CTC1: variants seen among roughly 807,000 people sequenced by gnomAD.
CTC1 encodes the protein CST telomere replication complex component 1.
A neutral mutation model predicts 136.3 loss-of-function variants in CTC1; 91 were observed. The ratio of observed to expected loss-of-function variants is 0.67; its 90% CI spans 0.56 to 0.79. CTC1 has a LOEUF of 0.79. CTC1 is among the 30% of genes least tolerant of loss of function. The pLI, the probability that CTC1 is intolerant of heterozygous loss-of-function variation, is 0.00. For missense variants in CTC1, 1,432 were observed against 1,498.1 expected (o/e 0.96, Z 0.73); for synonymous variants, 606 against 613.8 (o/e 0.99, Z 0.19).
At chr17:8,243,180 G>A (rs768763406) in intron 1 of CTC1, 32 bp from the exon 2 acceptor site, 2 of 1,595,522 alleles carry the variant, frequency 1.3e-6, no homozygotes, top group South Asian at 2.3e-5. Flanking sequence ...AAAACATCTT[G>A]ACTATCCGGC....
rs930998795 is a variant in CTC1 at position 8,227,861 on chromosome 17, C to T, written c.*319G>A. On this transcript the variant is annotated 3_prime_UTR_variant, in exon 23 of 23. Coordinates refer to ENST00000651323, the MANE Select transcript of CTC1 (RefSeq NM_025099.6). The stretch of plus-strand genomic sequence containing the variant: ...TCATTGCAGGTCAATAGGCCTGTCA[C>T]CATCACCCCACAGCGAGCAAGTCTT... 1.1e-5 allele frequency: 3 copies of T among 263,818 alleles called. No homozygotes were observed. The highest frequency in any genetic ancestry group is 4.4e-5 in the African/African-American group (2 of 45,646). The allele number at this position is 263,818 out of a possible 1,614,324, so 16.3% of individuals were successfully genotyped here.
chr17:8,245,516 T>C (rs1988602278), intron 1 of CTC1, among the ~76,000 whole-genome samples: 1 of 152,110 alleles, frequency 6.6e-6, no homozygotes, highest in African/African-American at 2.4e-5. Flanking sequence ...GTAGTTCCTG[T>C]TTCTCGGATG....
In CTC1 at chr17:8,245,357, T is replaced by C. The variant is rs1988589690; in HGVS notation, c.34-2209A>G. Among the ~76,000 whole-genome samples the C allele has an allele frequency of 3.3e-5, 5 of 152,176 alleles. No homozygotes were observed. In the South Asian group the frequency reaches 1.0e-3, roughly 31 times the overall value. ...TCTTCAGCATCCTTGTGGACAGCCC[T>C]ACCACTGACTTTCAGCCCACTTCAG... is the stretch of plus-strand genomic sequence containing the variant. On this transcript the variant is annotated intron_variant, in intron 1 of 22. Coordinates refer to ENST00000651323, the MANE Select transcript of CTC1 (RefSeq NM_025099.6).
intron 2 of CTC1, among the ~76,000 whole-genome samples, chr17:8,242,554 AT>A (rs1329854369): frequency 0.037 from 1,950 of 53,050 alleles, 19 homozygotes; most frequent in Non-Finnish European, 0.06. Context: ...AAAAAAAAAA[AT>A]ATATATATAT....
At chr17:8,235,330 A>T (rs770163490) in intron 7 of CTC1, 45 bp from the exon 8 acceptor site, 1 of 1,422,562 alleles carries the variant, frequency 7.0e-7, no homozygotes, top group Non-Finnish European at 9.9e-7. Context: ...TGAAGACCCC[A>T]ACTCAATGAA....
intron 1 of CTC1, 65 bp downstream of exon 1, chr17:8,247,939 G>A (rs1400128143): frequency 3.3e-6 from 5 of 1,526,072 alleles, no homozygotes; most frequent in Non-Finnish European, 4.5e-6. Flanking sequence ...AGAGGAAATA[G>A]GAAGAGAAAG....
Position 8,227,973 on chromosome 17 carries a change from A to C in CTC1, c.*207T>G. On this transcript the variant is annotated 3_prime_UTR_variant, in exon 23 of 23. Transcript: ENST00000651323. Reference sequence around the variant, plus strand: ...AGGTGCCTTGTCCCAATCAGAGGACATATTAATAGGGCCATGATTTCCTGT... The same window carrying C: ...AGGTGCCTTGTCCCAATCAGAGGACCTATTAATAGGGCCATGATTTCCTGT... 1 of 542,388 alleles carries C rather than the reference A, an allele frequency of 1.8e-6. No homozygotes were observed. The allele number at this position is 542,388 out of a possible 1,614,324, so 33.6% of individuals were successfully genotyped here.
rs1986867794 is a variant in CTC1, at chr17:8,228,057, G to A, written c.*123C>T. 1 of 978,988 alleles carries A rather than the reference G, an allele frequency of 1.0e-6. No individual in the cohort carries two copies. Among genetic ancestry groups the A allele is most frequent in the South Asian group, 1.6e-5 (1 of 61,700 alleles). The allele number at this position is 978,988 out of a possible 1,614,324, so 60.6% of individuals were successfully genotyped here. A position where few individuals can be genotyped will look rare whatever the true frequency, so the allele number is the denominator to read the frequency against. The stretch of plus-strand genomic sequence containing the variant: ...AACACCAAAGAAGGGAAATTATAGT[G>A]GAGTAGCAGTTTGTGAATCTGGAGT... On this transcript the variant is annotated 3_prime_UTR_variant, in exon 23 of 23. Transcript: ENST00000651323.
rs769331687 is a variant in CTC1 at position 8,238,116 on chromosome 17, C to T, written c.562G>A (p.Val188Met). 28 of 1,614,168 alleles carry T rather than the reference C, an allele frequency of 1.7e-5. No individual in the cohort carries two copies. The South Asian group carries it at 1.8e-4, about 10-fold the overall frequency. Residue 188 changes from valine to methionine, a missense_variant, in exon 4 of 23, where the codon GTG (valine) becomes ATG (methionine). Transcript: ENST00000651323. ...HLELWDAPVP[V>M]FPLTISPGPV... ...CCAGGACTGATGGTCAAAGGAAACA[C>T]TGGCACAGGGGCATCCCACAGCTCC...
chr17:8,243,132 T>C lies in CTC1; in HGVS notation c.50A>G (p.Glu17Gly), dbSNP rs200054513. The change falls in exon 2 of 23, where the codon GAG (glutamate) becomes GGG (glycine). Residue 17 changes from glutamate (E) to glycine (G), a missense_variant. By Grantham distance (98) the Glu-to-Gly change is moderately conservative (BLOSUM62 -2). Coordinates refer to ENST00000651323, the MANE Select transcript of CTC1 (RefSeq NM_025099.6). ...QVPSSEQAWL[E>G]DAQVFIQKTL... ...CTTTTGGATGAAGACCTGAGCATCC[T>C]CAAGCCAGGCTTGTTCCTGAGGAAA... The C allele has an allele frequency of 2.7e-5, 44 of 1,613,716 alleles. No homozygotes were observed. The African/African-American group carries it at 5.7e-4, about 21-fold the overall frequency.
rs377280351 is a variant in CTC1, at chr17:8,244,249, G to A, written c.34-1101C>T. ...TGCAAGATACAACCTCACTTGATTTGTTTCCTGTTGTCTTTTCAGCTAAGG... is the reference window on the plus strand; with the variant it reads ...TGCAAGATACAACCTCACTTGATTTATTTCCTGTTGTCTTTTCAGCTAAGG... On this transcript the variant is annotated intron_variant, in intron 1 of 22. Transcript: ENST00000651323. Among the ~76,000 whole-genome samples the A allele has an allele frequency of 2.3e-3, 355 of 152,232 alleles. 6 individuals carry two copies. The South Asian group carries it at 0.03, about 13-fold the overall frequency.
chr17:8,236,071 A>G lies in CTC1; in HGVS notation c.1064T>C (p.Leu355Pro), dbSNP rs2151522788. The G allele has an allele frequency of 6.2e-7, 1 of 1,613,662 alleles. No individual in the cohort carries two copies. Among genetic ancestry groups the G allele is most frequent in the Non-Finnish European group, 8.5e-7 (1 of 1,179,640 alleles). ...CCCTGTGCTCACCGAATAGGATAGG[A>G]GTCTAGAATACCGGACAAGACTTTC... ...DPESLVRYSR[L>P]LSYSGAVTGV... Residue 355 changes from leucine to proline, a missense_variant, in exon 6 of 23, where the codon CTC becomes CCC. Leu to Pro is a moderately conservative substitution (Grantham distance 98). Transcript: ENST00000651323.
At chr17:8,235,350 A>T in intron 7 of CTC1, 65 bp from the exon 8 acceptor site, 1 of 1,259,206 alleles carries the variant, frequency 7.9e-7, no homozygotes, top group Non-Finnish European at 1.1e-6. Context: ...ACCCAGGCAG[A>T]GTTAACCGCA....
chr17:8,236,166 T>A lies in CTC1; in HGVS notation c.969A>T (p.Glu323Asp). 1 of 1,614,166 alleles carries A rather than the reference T, an allele frequency of 6.2e-7. No homozygotes were observed. Among genetic ancestry groups the A allele is most frequent in the Non-Finnish European group, 8.5e-7 (1 of 1,179,996 alleles). Residue 323 changes from glutamate (E) to aspartate (D), a missense_variant, in exon 6 of 23, where the codon GAA becomes GAT. By Grantham distance (45) the Glu-to-Asp change is conservative. Coordinates refer to ENST00000651323, the MANE Select transcript of CTC1 (RefSeq NM_025099.6). Reference protein sequence around the residue: ...ECVQELELELEGPLLEADPKP... With the variant: ...ECVQELELELDGPLLEADPKP... Reference sequence around the variant, plus strand: ...TGGGGTCAGCCTCTAAGAGGGGTCCTTCCAGCTCCAGTTCCAGCTCCTGCA... The same window carrying A: ...TGGGGTCAGCCTCTAAGAGGGGTCCATCCAGCTCCAGTTCCAGCTCCTGCA...
Position 8,228,193 on chromosome 17 carries a change from G to A in CTC1, c.3641C>T (p.Ala1214Val), listed in dbSNP as rs749455590. The A allele has an allele frequency of 1.2e-6, 2 of 1,613,910 alleles. No homozygotes were observed. The highest frequency in any genetic ancestry group is 1.7e-6 in the Non-Finnish European group (2 of 1,179,892). The part of the protein sequence containing the change: ...SEYSSSLGIL[A>V]SSC Reference sequence around the variant, plus strand: ...CTTGCAGTTCAGTTAACAGGAGGAAGCAAGGATCCCCAGAGAGCTGGAGTA... The same window carrying A: ...CTTGCAGTTCAGTTAACAGGAGGAAACAAGGATCCCCAGAGAGCTGGAGTA... The change falls in exon 23 of 23, where the codon GCT becomes GTT. Residue 1214 changes from alanine to valine, a missense_variant. Coordinates refer to ENST00000651323, the MANE Select transcript of CTC1 (RefSeq NM_025099.6).
chr17:8,235,258 C>T lies in CTC1; in HGVS notation c.1234G>A (p.Val412Met). Residue 412 changes from valine (V) to methionine (M), a missense_variant, in exon 8 of 23, where the codon GTG becomes ATG. By Grantham distance (21) the Val-to-Met change is conservative (BLOSUM62 1). Transcript: ENST00000651323. ...QLQDVHLLQS[V>M]GGGTRRPVLA... ...ACTGGCCTTCTTGTCCCCCCTCCCA[C>T]TGACTGGAGCAGGTGAACATCCTGG... 1 of 1,613,994 alleles carries T rather than the reference C, an allele frequency of 6.2e-7. No homozygotes were observed. Among genetic ancestry groups the T allele is most frequent in the African/African-American group, 1.3e-5 (1 of 75,036 alleles).
At position 8,228,892 on chromosome 17, in the gene CTC1, C is replaced by G. The variant is rs1393187047; in HGVS notation, c.3222G>C (p.Arg1074Ser). 19 of 1,609,910 alleles carry G rather than the reference C, an allele frequency of 1.2e-5. No individual in the cohort carries two copies. Among genetic ancestry groups the G allele is most frequent in the Non-Finnish European group, 1.6e-5 (19 of 1,178,582 alleles). The change falls in exon 21 of 23, where the codon AGG becomes AGC. Residue 1074 changes from arginine to serine, a missense_variant and splice_region_variant. By Grantham distance (110) the Arg-to-Ser change is moderately radical. Transcript: ENST00000651323. ...TQTAISQAIIRLLVEDGTAEA... is the reference protein window; with the variant it reads ...TQTAISQAIISLLVEDGTAEA... ...CGGCAGTCCCATCCTCCACCAGGAGCCTATGGGGAGCAGGAGGAAATAAAA... is the reference window on the plus strand; with the variant it reads ...CGGCAGTCCCATCCTCCACCAGGAGGCTATGGGGAGCAGGAGGAAATAAAA...
chr17:8,229,931 A>G lies in CTC1; in HGVS notation c.2971T>C (p.Tyr991His). The G allele has an allele frequency of 1.2e-6, 2 of 1,614,122 alleles. No individual in the cohort carries two copies. Among genetic ancestry groups the G allele is most frequent in the Admixed American group, 1.7e-5 (1 of 60,018 alleles). ...GGGGGAAAACTCAGGACCTGCACAT[A>G]AGTGGATGACCGGAAACAACAATAA... ...NVYCCFRSSTYVQVLSFPPET... is the reference protein window; with the variant it reads ...NVYCCFRSSTHVQVLSFPPET... Residue 991 changes from tyrosine (Y) to histidine (H), a missense_variant, in exon 18 of 23, where the codon TAT becomes CAT. Transcript: ENST00000651323.
At chr17:8,247,665 T>G in intron 1 of CTC1, 1 of 247,646 alleles carries the variant, frequency 4.0e-6, no homozygotes, top group Non-Finnish European at 8.0e-6. Context: ...CTTTTACTTA[T>G]TATGGTTGCC....
Sources: allele counts gnomAD v4.1 joint callset (sites outside exome capture counted in the v4.1 genomes callset), GRCh38; gene constraint gnomAD v4.1.1; transcripts MANE v1.5; gene names NCBI Gene and HGNC (gene_info 2026-07-23, HGNC 2026-07-21).